Variants in DNAI4 observed in about 807,000 individuals in gnomAD.
DNAI4 encodes the protein dynein axonemal intermediate chain 4.
DNAI4 carries 85 observed loss-of-function variants against 105.8 expected under a neutral mutation model. That is an observed-to-expected ratio of 0.80 (90% CI 0.67 to 0.96). The LOEUF (loss-of-function observed/expected upper bound fraction) is 0.96. Ranked by LOEUF, DNAI4 falls within the 40% of genes least tolerant of loss-of-function variation. The pLI, the probability that DNAI4 is intolerant of heterozygous loss-of-function variation, is 0.00. For synonymous variants in DNAI4, 352 were observed against 331.5 expected (o/e 1.06, Z -0.67); for missense variants, 1,014 against 1,005.6 (o/e 1.01, Z -0.11).
intron 3 of DNAI4, 116 bp downstream of exon 3, chr1:66,893,111 AAG>A (rs1491401593): frequency 2.2e-5 from 11 of 496,686 alleles, no homozygotes; most frequent in Non-Finnish European, 3.6e-5. Context: ...GAAAGAAAGA[AAG>A]AAAGAAAGAA....
At position 66,840,484 on chromosome 1, in the gene DNAI4, C is replaced by G. The variant is rs186892398; in HGVS notation, c.1479G>C (p.Trp493Cys). ...TKGLNVSSLA[W>C]NKTNPDLLAV... ...GATAACTTACTGGATTTGTTTTATT[C>G]CAGGCAAGGCTGCTCACATTGAGGC... Residue 493 changes from tryptophan (W) to cysteine (C), a missense_variant, in exon 9 of 17, where the codon TGG (tryptophan) becomes TGC (cysteine). Transcript: ENST00000371026. 33 of 1,614,052 alleles carry G rather than the reference C, an allele frequency of 2.0e-5. No homozygotes were observed. The highest frequency in any genetic ancestry group is 2.6e-5 in the Non-Finnish European group (31 of 1,179,954).
chr1:66,891,268 T>C lies in DNAI4; in HGVS notation c.531-2A>G. On this transcript the variant is annotated splice_acceptor_variant, in intron 3 of 16. Coordinates refer to ENST00000371026, the MANE Select transcript of DNAI4 (RefSeq NM_024763.5). LOFTEE classifies it high-confidence loss of function. Reference sequence around the variant, plus strand: ...ACTGTACTGCTTCCTAAAACTGACCTTTAATAATGAATAACAAAATTACTC... The same window carrying C: ...ACTGTACTGCTTCCTAAAACTGACCCTTAATAATGAATAACAAAATTACTC... The C allele has an allele frequency of 6.2e-7, 1 of 1,604,642 alleles. No individual in the cohort carries two copies. The highest frequency in any genetic ancestry group is 8.5e-7 in the Non-Finnish European group (1 of 1,172,624).
rs750446119 is a variant in DNAI4 at position 66,835,793 on chromosome 1, T to C, written c.1582-16A>G. 1.2e-6 allele frequency: 2 copies of C among 1,612,210 alleles called. No homozygotes were observed. The highest frequency in any genetic ancestry group is 1.7e-5 in the Admixed American group (1 of 59,828). On this transcript the variant is annotated splice_polypyrimidine_tract_variant and intron_variant, in intron 10 of 16. Transcript: ENST00000371026. ...GTTCTGGCCACTAAATTTTAAAAAA[T>C]TACATTTTCAATTTGTTTTTGTAGA...
chr1:66,900,964 G>C (rs1242846293), intron 2 of DNAI4, among the ~76,000 whole-genome samples: 1 of 152,140 alleles, frequency 6.6e-6, no homozygotes, highest in Non-Finnish European at 1.5e-5. Flanking sequence ...TCTTGTTCCT[G>C]ATCATAAGGA....
intron 7 of DNAI4, among the ~76,000 whole-genome samples, chr1:66,851,198 A>G (rs963064751): frequency 3.3e-5 from 5 of 151,948 alleles, no homozygotes; most frequent in African/African-American, 1.2e-4. Context: ...AGGAGGGGCT[A>G]TATCAATATC....
At chr1:66,841,778 T>C (rs1338414009) in intron 8 of DNAI4, among the ~76,000 whole-genome samples, 1 of 152,218 alleles carries the variant, frequency 6.6e-6, no homozygotes, top group African/African-American at 2.4e-5. Context: ...CAGTAATCTC[T>C]GAAGTCCCTC....
At chr1:66,876,595 T>A (rs965501906) in intron 4 of DNAI4, among the ~76,000 whole-genome samples, 1 of 152,108 alleles carries the variant, frequency 6.6e-6, no homozygotes, top group South Asian at 2.1e-4. Flanking sequence ...GAGTTCTGTA[T>A]CACCCATTTC....
rs186757051 is a variant in DNAI4, at chr1:66,891,662, C to G, written c.531-396G>C. ...TATTTTTAGTAGAGACGTGGTTTCA[C>G]CATTTTGGCCAGGCTGGTCTTGAAC... is the stretch of plus-strand genomic sequence containing the variant. On this transcript the variant is annotated intron_variant, in intron 3 of 16. Coordinates refer to ENST00000371026, the MANE Select transcript of DNAI4 (RefSeq NM_024763.5). 1.3e-3 allele frequency among the ~76,000 whole-genome samples: 195 copies of G among 152,300 alleles called. 1 individual carries two copies. The highest frequency in any genetic ancestry group is 7.5e-3 in the East Asian group (39 of 5,184).
chr1:66,912,797 T>C (rs984698923), intron 1 of DNAI4, among the ~76,000 whole-genome samples: 5 of 152,222 alleles, frequency 3.3e-5, no homozygotes, highest in Non-Finnish European at 5.9e-5. Flanking sequence ...ATTCTGAACG[T>C]GGATGCCCCT....
chr1:66,878,864 CTT>C (rs1647010703), intron 4 of DNAI4, among the ~76,000 whole-genome samples: 1 of 152,022 alleles, frequency 6.6e-6, no homozygotes, highest in Non-Finnish European at 1.5e-5. Flanking sequence ...TTTGCAGTTC[CTT>C]TTGTCTTTAA....
In DNAI4 at chr1:66,862,979, A is replaced by G. The variant is rs111643009; in HGVS notation, c.941-677T>C. Among the ~76,000 whole-genome samples, 263 of 152,332 alleles carry G rather than the reference A, an allele frequency of 1.7e-3. 1 individual carries two copies. Among genetic ancestry groups the G allele is most frequent in the African/African-American group, 5.9e-3 (244 of 41,576 alleles). ...ATCAAGTAAAATTTCCTATACACTT[A>G]TTATGTGAAAAGATTGCCCCTGCTG... On this transcript the variant is annotated intron_variant, in intron 6 of 16. Transcript: ENST00000371026.
chr1:66,867,696 T>A (rs940527103), intron 6 of DNAI4, among the ~76,000 whole-genome samples: 1 of 152,032 alleles, frequency 6.6e-6, no homozygotes, highest in African/African-American at 2.4e-5. Flanking sequence ...CTGGAACTAT[T>A]TTTTTTAGTT....
intron 4 of DNAI4, among the ~76,000 whole-genome samples, chr1:66,881,608 T>C (rs1043432916): frequency 1.3e-5 from 2 of 152,236 alleles, no homozygotes; most frequent in Non-Finnish European, 2.9e-5. Flanking sequence ...ACCCCCATTG[T>C]ATCTAGGAAG....
In DNAI4 at chr1:66,893,415, T is replaced by G; in HGVS notation, c.346-2A>C. On this transcript the variant is annotated splice_acceptor_variant, in intron 2 of 16. Transcript: ENST00000371026. LOFTEE classifies it high-confidence loss of function. ...ATCAGTTCCATTTATGTCAAATACC[T>G]GTTAAAAATGGTTATTTAAAATGAA... The G allele has an allele frequency of 6.7e-7, 1 of 1,485,918 alleles. No individual in the cohort carries two copies. The highest frequency in any genetic ancestry group is 1.4e-5 in the South Asian group (1 of 70,788). The allele number at this position is 1,485,918 out of a possible 1,614,324, so 92.0% of individuals were successfully genotyped here. A position where few individuals can be genotyped will look rare whatever the true frequency, so the allele number is the denominator to read the frequency against.
Position 66,905,378 on chromosome 1 carries a change from A to G in DNAI4, c.171-3T>C. On this transcript the variant is annotated splice_polypyrimidine_tract_variant and splice_region_variant and intron_variant, in intron 1 of 16. Transcript: ENST00000371026. ...TCTTTGGTTGTGTGGCATTGTTCCT[A>G]TATAAGAAAAATAAAATATAATGCA... The G allele has an allele frequency of 7.0e-7, 1 of 1,419,522 alleles. No homozygotes were observed. Among genetic ancestry groups the G allele is most frequent in the Non-Finnish European group, 9.3e-7 (1 of 1,072,374 alleles). The allele number at this position is 1,419,522 out of a possible 1,614,324, so 87.9% of individuals were successfully genotyped here.
intron 7 of DNAI4, among the ~76,000 whole-genome samples, chr1:66,855,159 A>G (rs943893681): frequency 1.3e-5 from 2 of 152,218 alleles, no homozygotes; most frequent in African/African-American, 2.4e-5. Context: ...CTACCAGACA[A>G]GTAGGAATAT....
intron 2 of DNAI4, among the ~76,000 whole-genome samples, chr1:66,902,820 T>C (rs1648933303): frequency 6.6e-6 from 1 of 152,262 alleles, no homozygotes; most frequent in African/African-American, 2.4e-5. Flanking sequence ...CATTGCATAA[T>C]CTTGGCTTCT....
At chr1:66,838,624 C>G (rs963285283) in intron 9 of DNAI4, among the ~76,000 whole-genome samples, 1 of 152,220 alleles carries the variant, frequency 6.6e-6, no homozygotes, top group African/African-American at 2.4e-5. Context: ...TGCTGTGTAA[C>G]CAGAATACCT....
At chr1:66,906,866 TTA>T (rs1235043889) in intron 1 of DNAI4, 1 of 152,160 alleles carries the variant, frequency 6.6e-6, no homozygotes, top group East Asian at 1.9e-4. Context: ...ACAAACTCAC[TTA>T]TCTCTTTTTT....
Sources: gnomAD v4.1 joint callset for allele counts (sites outside exome capture counted in the v4.1 genomes callset) on GRCh38, gnomAD v4.1.1 for gene constraint, MANE v1.5 for transcripts, NCBI Gene and HGNC (gene_info 2026-07-23, HGNC 2026-07-21) for gene names.